Variants in ADAM32 observed in about 807,000 individuals in gnomAD.
The protein encoded by ADAM32 is ADAM metallopeptidase domain 32.
ADAM32 carries 89 observed loss-of-function variants against 114.9 expected under a neutral mutation model. The observed-to-expected ratio is 0.77, with a 90% confidence interval of 0.65 to 0.92. The LOEUF (loss-of-function observed/expected upper bound fraction) is 0.92. Among genes scored for constraint, ADAM32 ranks in the 40% least tolerant of loss-of-function variants. The probability of loss-of-function intolerance (pLI) is 0.00; values close to 1 mark genes in which losing one functional copy is unlikely to be tolerated. For missense variants in ADAM32, 870 were observed against 932.8 expected, an observed-to-expected ratio of 0.93 and a Z score of 0.88; for synonymous variants, 285 against 307.5, an observed-to-expected ratio of 0.93 and a Z score of 0.77.
chr8:39,275,803 G>A lies in ADAM32; in HGVS notation c.2241-25G>A, dbSNP rs369538262. ...ATTTGTGTTAAGTATTAACGTGGAA[G>A]CATTACTTTTTCGCTTTCTTTTAGA... is the stretch of plus-strand genomic sequence containing the variant. On this transcript the variant is annotated intron_variant, in intron 21 of 24. Transcript: ENST00000379907. The A allele has an allele frequency of 6.8e-5, 105 of 1,544,430 alleles. No individual in the cohort carries two copies. In the African/African-American group the frequency reaches 1.2e-3, roughly 18 times the overall value.
At chr8:39,259,414 C>T (rs1811874632) in intron 19 of ADAM32, among the ~76,000 whole-genome samples, 1 of 151,728 alleles carries the variant, frequency 6.6e-6, no homozygotes, top group Admixed American at 6.6e-5. Flanking sequence ...TCAGCAGCTG[C>T]TCTCAAATGG....
At chr8:39,185,842 G>C (rs537530643) in intron 10 of ADAM32, among the ~76,000 whole-genome samples, 1 of 152,076 alleles carries the variant, frequency 6.6e-6, no homozygotes, top group South Asian at 2.1e-4. Context: ...GAGGCAATGT[G>C]GGGTAGTGAG....
intron 12 of ADAM32, 30 bp from the exon 13 acceptor site, chr8:39,221,579 AT>A: frequency 6.5e-7 from 1 of 1,535,930 alleles, no homozygotes; most frequent in Non-Finnish European, 9.0e-7. Context: ...GTCATGATGT[AT>A]TTTTACTTGT....
intron 12 of ADAM32, among the ~76,000 whole-genome samples, chr8:39,215,690 T>G (rs764167281): frequency 5.3e-5 from 8 of 152,030 alleles, no homozygotes; most frequent in Non-Finnish European, 1.0e-4. Flanking sequence ...GTATTTGTAA[T>G]AGTTTTCAAA....
chr8:39,273,313 C>A (rs1474284693), intron 20 of ADAM32, among the ~76,000 whole-genome samples: 2 of 151,790 alleles, frequency 1.3e-5, no homozygotes, highest in African/African-American at 4.8e-5. Flanking sequence ...CGAAACTAGC[C>A]TAGCCAACAT....
chr8:39,205,183 G>T (rs185606153), intron 11 of ADAM32, among the ~76,000 whole-genome samples: 8 of 152,312 alleles, frequency 5.3e-5, no homozygotes, highest in Admixed American at 4.6e-4. Context: ...AGTCTGCAGA[G>T]GTTTCTGCTG....
chr8:39,123,198 AT>A (rs1418613581), intron 2 of ADAM32, among the ~76,000 whole-genome samples: 5 of 152,106 alleles, frequency 3.3e-5, no homozygotes, highest in Non-Finnish European at 7.4e-5. Flanking sequence ...TGTCTTTGCC[AT>A]TTATCTAGCT....
chr8:39,128,257 C>G (rs961048220), intron 2 of ADAM32, among the ~76,000 whole-genome samples: 1 of 152,038 alleles, frequency 6.6e-6, no homozygotes, highest in South Asian at 2.1e-4. Context: ...TGAATTGAAC[C>G]CTTTAGCATT....
intron 15 of ADAM32, among the ~76,000 whole-genome samples, chr8:39,233,269 A>G (rs1160494024): frequency 2.0e-5 from 3 of 152,196 alleles, no homozygotes; most frequent in Non-Finnish European, 4.4e-5. Flanking sequence ...TCTTTATTAT[A>G]TGCCAAGCAA....
chr8:39,130,183 G>A lies in ADAM32; in HGVS notation c.139-6474G>A, dbSNP rs546362121. 3 of 155,348 alleles carry A rather than the reference G, an allele frequency of 1.9e-5. No homozygotes were observed. The East Asian group carries it at 5.6e-4, about 29-fold the overall frequency. 9.6% of individuals were successfully genotyped at this position (155,348 alleles called of 1,614,324 possible). A position where few individuals can be genotyped will look rare whatever the true frequency, so the allele number is the denominator to read the frequency against. On this transcript the variant is annotated intron_variant, in intron 2 of 24. Coordinates refer to ENST00000379907, the MANE Select transcript of ADAM32 (RefSeq NM_145004.7). ...TTGCCCCAGCTGGTCTTGAACTCCT[G>A]ACGTCAAGTGATCTGCCTGCCTACA... is the stretch of plus-strand genomic sequence containing the variant.
intron 21 of ADAM32, among the ~76,000 whole-genome samples, chr8:39,274,968 A>T (rs1431067993): frequency 6.6e-6 from 1 of 152,242 alleles, no homozygotes; most frequent in Non-Finnish European, 1.5e-5. Flanking sequence ...CTATACGTGT[A>T]AAGAATTAAG....
At chr8:39,213,664 G>A (rs2129448455) in intron 12 of ADAM32, among the ~76,000 whole-genome samples, 1 of 151,914 alleles carries the variant, frequency 6.6e-6, no homozygotes. Flanking sequence ...TTATTTTTTT[G>A]TGTTACAAAC....
chr8:39,200,149 G>C (rs1807301658), intron 11 of ADAM32, among the ~76,000 whole-genome samples: 1 of 152,188 alleles, frequency 6.6e-6, no homozygotes. Context: ...TAATGGGATG[G>C]CTGGGTCAAA....
In ADAM32 at chr8:39,147,172, A is replaced by G. The variant is rs1233958045; in HGVS notation, c.243A>G (p.Gln81=). ...ATTTTATGATCTATTTGTACAATCAAGGATCTATGAATACTTATTCTTCAG... is the reference window on the plus strand; with the variant it reads ...ATTTTATGATCTATTTGTACAATCAGGGATCTATGAATACTTATTCTTCAG... ...ADNFMIYLYN[Q]GSMNTYSSDI... The change falls in exon 4 of 25, where the codon CAA becomes CAG. Residue 81 remains glutamine, a synonymous_variant. Transcript: ENST00000379907. 2.9e-6 allele frequency: 3 copies of G among 1,018,632 alleles called. No homozygotes were observed. Among genetic ancestry groups the G allele is most frequent in the South Asian group, 2.5e-5 (1 of 40,282 alleles). 63.1% of individuals were successfully genotyped at this position (1,018,632 alleles called of 1,614,324 possible). A position where few individuals can be genotyped will look rare whatever the true frequency, so the allele number is the denominator to read the frequency against.
At chr8:39,240,059 T>C (rs1810457242) in intron 16 of ADAM32, among the ~76,000 whole-genome samples, 1 of 152,198 alleles carries the variant, frequency 6.6e-6, no homozygotes, top group African/African-American at 2.4e-5. Flanking sequence ...ACTTAAATTA[T>C]ACCCTAGAAC....
intron 7 of ADAM32, among the ~76,000 whole-genome samples, chr8:39,163,343 G>A (rs1804628839): frequency 6.6e-6 from 1 of 152,174 alleles, no homozygotes; most frequent in South Asian, 2.1e-4. Context: ...GGCCCACAAA[G>A]GGAAGGAGGG....
chr8:39,150,552 T>G (rs984703248), intron 5 of ADAM32, among the ~76,000 whole-genome samples: 4 of 152,184 alleles, frequency 2.6e-5, no homozygotes, highest in African/African-American at 9.6e-5. Context: ...TATCTTGAGC[T>G]CTTCAAGAAT....
At chr8:39,204,418 C>A (rs972992170) in intron 11 of ADAM32, among the ~76,000 whole-genome samples, 1 of 152,174 alleles carries the variant, frequency 6.6e-6, no homozygotes, top group Non-Finnish European at 1.5e-5. Flanking sequence ...TCCAGTTGAT[C>A]GAATCAGCTA....
At chr8:39,172,891 G>A (rs1383970307) in intron 10 of ADAM32, among the ~76,000 whole-genome samples, 2 of 152,194 alleles carry the variant, frequency 1.3e-5, no homozygotes, top group Admixed American at 6.5e-5. Flanking sequence ...TGGTGTTTCT[G>A]CCTCTAGGTC....
Sources: allele counts gnomAD v4.1 joint callset (sites outside exome capture counted in the v4.1 genomes callset), GRCh38; gene constraint gnomAD v4.1.1; transcripts MANE v1.5; gene names NCBI Gene and HGNC (gene_info 2026-07-23, HGNC 2026-07-21).